The following MYRIP variants were observed in gnomAD, a reference collection of about 807,000 sequenced individuals.
MYRIP encodes the protein myosin VIIA and Rab interacting protein.
In MYRIP, 49 loss-of-function variants were observed where a neutral mutation model predicts 98.0. The ratio of observed to expected loss-of-function variants is 0.50; its 90% CI spans 0.40 to 0.63. The LOEUF (loss-of-function observed/expected upper bound fraction) is 0.63, where lower values mean the gene tolerates loss of function less well. Among genes scored for constraint, MYRIP ranks in the 30% least tolerant of loss-of-function variants. The probability of loss-of-function intolerance (pLI) is 0.00; values close to 1 mark genes in which losing one functional copy is unlikely to be tolerated. For synonymous variants in MYRIP, 404 were observed against 409.5 expected (o/e 0.99, Z 0.16); for missense variants, 1,004 against 1,058.2 (o/e 0.95, Z 0.71).
At chr3:39,836,000 G>T (rs563336674) in intron 1 of MYRIP, among the ~76,000 whole-genome samples, 1 of 152,264 alleles carries the variant, frequency 6.6e-6, no homozygotes, top group South Asian at 2.1e-4. Context: ...ACATTGATGG[G>T]CATTTGGGTT....
intron 1 of MYRIP, among the ~76,000 whole-genome samples, chr3:39,819,516 G>A (rs1379387627): frequency 6.6e-6 from 1 of 152,208 alleles, no homozygotes. Flanking sequence ...ATCCTAGGGT[G>A]TAGATTCTAC....
At chr3:40,053,949 G>A (rs1489131872) in intron 3 of MYRIP, among the ~76,000 whole-genome samples, 1 of 152,272 alleles carries the variant, frequency 6.6e-6, no homozygotes, top group African/African-American at 2.4e-5. Context: ...AACCATCAGG[G>A]AACACAGCCC....
chr3:40,086,264 G>T (rs1257944853), intron 3 of MYRIP, among the ~76,000 whole-genome samples: 1 of 152,178 alleles, frequency 6.6e-6, no homozygotes, highest in Non-Finnish European at 1.5e-5. Context: ...ACTTCTCACG[G>T]TCTGAAAGGT....
chr3:40,230,832 T>G (rs1182469096), intron 11 of MYRIP, among the ~76,000 whole-genome samples: 2 of 151,994 alleles, frequency 1.3e-5, no homozygotes, highest in Admixed American at 6.6e-5. Context: ...TTTTTTTTTT[T>G]TTTGTTTTTT....
chr3:40,061,346 G>C (rs1477171851), intron 3 of MYRIP, among the ~76,000 whole-genome samples: 1 of 152,146 alleles, frequency 6.6e-6, no homozygotes, highest in Admixed American at 6.5e-5. Flanking sequence ...TTGGTTTTCT[G>C]TTCCTTTGTT....
chr3:40,251,055 T>A lies in MYRIP; in HGVS notation c.2428+556T>A, dbSNP rs562090949. On this transcript the variant is annotated intron_variant, in intron 15 of 16. Transcript: ENST00000302541. The stretch of plus-strand genomic sequence containing the variant: ...AGAGAAGTGAACAGAACACCAAAAG[T>A]ATCTGCCACAGTGTCCAATCTAGAA... Among the ~76,000 whole-genome samples, 27 of 152,324 alleles carry A rather than the reference T, an allele frequency of 1.8e-4. No homozygotes were observed. In the East Asian group the frequency reaches 5.0e-3, roughly 28 times the overall value.
chr3:39,812,752 G>T (rs776439346), intron 1 of MYRIP, among the ~76,000 whole-genome samples: 13 of 152,360 alleles, frequency 8.5e-5, no homozygotes, highest in Non-Finnish European at 1.8e-4. Flanking sequence ...CGCCAGGTTG[G>T]CTGGAGAACT....
chr3:40,039,015 A>G (rs553942396), intron 2 of MYRIP, among the ~76,000 whole-genome samples: 10 of 152,280 alleles, frequency 6.6e-5, no homozygotes, highest in Middle Eastern at 3.4e-3. Context: ...AGGAATCCCA[A>G]AGGTGGTGGC....
At chr3:39,938,711 G>C (rs1944713176) in intron 2 of MYRIP, among the ~76,000 whole-genome samples, 1 of 152,048 alleles carries the variant, frequency 6.6e-6, no homozygotes, top group Non-Finnish European at 1.5e-5. Context: ...TCACTATGTT[G>C]CCCAGGCTGG....
intron 2 of MYRIP, among the ~76,000 whole-genome samples, chr3:39,945,564 T>A (rs1387514283): frequency 1.3e-5 from 2 of 151,194 alleles, no homozygotes; most frequent in African/African-American, 4.9e-5. Context: ...CCCAAATGCC[T>A]CTTAATAATA....
At chr3:40,189,244 GT>G (rs1378816502) in intron 9 of MYRIP, among the ~76,000 whole-genome samples, 1 of 152,188 alleles carries the variant, frequency 6.6e-6, no homozygotes, top group African/African-American at 2.4e-5. Context: ...AAATACCAAA[GT>G]TTTTTGGCCT....
chr3:40,176,916 A>AG (rs1408379177), intron 8 of MYRIP, among the ~76,000 whole-genome samples: 2 of 145,428 alleles, frequency 1.4e-5, no homozygotes, highest in Non-Finnish European at 3.1e-5. Flanking sequence ...CTCAAAAAAA[A>AG]AAAAAAAAAG....
At chr3:40,092,544 T>A (rs570767671) in intron 3 of MYRIP, among the ~76,000 whole-genome samples, 1 of 152,294 alleles carries the variant, frequency 6.6e-6, no homozygotes, top group East Asian at 1.9e-4. Flanking sequence ...TCTTTTAACA[T>A]GTGGCTCAGG....
At chr3:39,952,057 T>C (rs990022905) in intron 2 of MYRIP, among the ~76,000 whole-genome samples, 13 of 152,300 alleles carry the variant, frequency 8.5e-5, no homozygotes, top group African/African-American at 2.9e-4. Flanking sequence ...GCATTCAGCC[T>C]CTTCCCACCC....
intron 11 of MYRIP, chr3:40,232,740 T>G (rs1952697596): frequency 6.6e-6 from 1 of 152,210 alleles, no homozygotes; most frequent in African/African-American, 2.4e-5. Flanking sequence ...TCTTTGGGGT[T>G]GTTGTGCCTC....
rs941646640 is a variant in MYRIP at position 40,004,143 on chromosome 3, T to C, written c.111-39907T>C. 7.9e-5 allele frequency among the ~76,000 whole-genome samples: 12 copies of C among 152,364 alleles called. 1 individual carries two copies. The highest frequency in any genetic ancestry group is 2.9e-4 in the African/African-American group (12 of 41,602). On this transcript the variant is annotated intron_variant, in intron 2 of 16. Transcript: ENST00000302541. ...TTCCTGAACCTTCCACTGAGCACCC[T>C]GATGTCTTCTCTTCCAAAGAACTCT...
intron 8 of MYRIP, among the ~76,000 whole-genome samples, chr3:40,175,272 C>A (rs1346551174): frequency 6.6e-6 from 1 of 152,216 alleles, no homozygotes; most frequent in Non-Finnish European, 1.5e-5. Flanking sequence ...AGCCTGAACA[C>A]CACCAATGCT....
intron 1 of MYRIP, among the ~76,000 whole-genome samples, chr3:39,890,636 A>AT (rs35017704): frequency 0.12 from 16,513 of 138,468 alleles, 1,393 homozygotes; most frequent in East Asian, 0.25. Context: ...AGGTTAGCTG[A>AT]TTTTTTTTTT....
intron 2 of MYRIP, among the ~76,000 whole-genome samples, chr3:39,919,542 G>A (rs1474563153): frequency 6.6e-6 from 1 of 152,126 alleles, no homozygotes; most frequent in Non-Finnish European, 1.5e-5. Context: ...CACCTCCTGG[G>A]TTGGCCCCTC....
Sources: gnomAD v4.1 joint callset for allele counts (sites outside exome capture counted in the v4.1 genomes callset) on GRCh38, gnomAD v4.1.1 for gene constraint, MANE v1.5 for transcripts, NCBI Gene and HGNC (gene_info 2026-07-23, HGNC 2026-07-21) for gene names.